Variants in CTDNEP1 observed in about 807,000 individuals in gnomAD.
CTDNEP1 encodes the protein C-terminal domain nuclear envelope phosphatase 1.
In CTDNEP1, 3 loss-of-function variants were observed where a neutral mutation model predicts 30.1. The ratio of observed to expected loss-of-function variants is 0.10; its 90% CI spans 0.05 to 0.26. The LOEUF is 0.26. Among genes scored for constraint, CTDNEP1 ranks in the 10% least tolerant of loss-of-function variants. CTDNEP1 has a pLI of 1.00. For missense variants in CTDNEP1, 158 were observed against 310.4 expected, an observed-to-expected ratio of 0.51 and a Z score of 3.69; for synonymous variants, 123 against 118.8, an observed-to-expected ratio of 1.04 and a Z score of -0.23.
At position 7,246,373 on chromosome 17, in the gene CTDNEP1, G is replaced by A. The variant is rs1302945677; in HGVS notation, c.361-3C>T. ...ACCAGCTCGTACCACTGGCTCACCT[G>A]AAATAGATTGGGGGAGAGGGCGATG... On this transcript the variant is annotated splice_region_variant and splice_polypyrimidine_tract_variant and intron_variant, in intron 4 of 7. Transcript: ENST00000574322. The surrounding 1 kb of genome is among the most constrained non-coding windows in gnomAD (Gnocchi z 4.9). 3 of 1,603,282 alleles carry A rather than the reference G, an allele frequency of 1.9e-6. No individual in the cohort carries two copies. The highest frequency in any genetic ancestry group is 2.6e-6 in the Non-Finnish European group (3 of 1,170,972).
At position 7,250,266 on chromosome 17, in the gene CTDNEP1, G is replaced by C. The variant is rs192906448; in HGVS notation, c.102+929C>G. ...GTACAGACCCAGAACCTGTGTCTCC[G>C]CTTACTAAATTCTCCCCAGACTCCT... On this transcript the variant is annotated intron_variant, in intron 1 of 7. Coordinates refer to ENST00000574322, the MANE Select transcript of CTDNEP1 (RefSeq NM_001143775.2). Among the ~76,000 whole-genome samples, 79 of 152,256 alleles carry C rather than the reference G, an allele frequency of 5.2e-4. 1 individual carries two copies. The highest frequency in any genetic ancestry group is 1.8e-3 in the African/African-American group (76 of 41,548).
intron 1 of CTDNEP1, among the ~76,000 whole-genome samples, chr17:7,248,154 G>C (rs147462883): frequency 3.3e-5 from 5 of 149,572 alleles, no homozygotes; most frequent in African/African-American, 7.4e-5. Flanking sequence ...CCAGCTACTC[G>C]GGAGGCTGAG....
At position 7,247,200 on chromosome 17, in the gene CTDNEP1, G is replaced by A; in HGVS notation, c.170-18C>T. The A allele has an allele frequency of 6.8e-6, 11 of 1,610,870 alleles. No homozygotes were observed. Among genetic ancestry groups the A allele is most frequent in the East Asian group, 2.2e-5 (1 of 44,860 alleles). On this transcript the variant is annotated intron_variant, in intron 2 of 7. Coordinates refer to ENST00000574322, the MANE Select transcript of CTDNEP1 (RefSeq NM_001143775.2). ...CACCTGGGCTGAACCAGAGTGGGGAGGAATAATATTGACCGACCTCTGACC... is the reference window on the plus strand; with the variant it reads ...CACCTGGGCTGAACCAGAGTGGGGAAGAATAATATTGACCGACCTCTGACC...
At chr17:7,245,632 G>A (rs1180299768) in intron 6 of CTDNEP1, among the ~76,000 whole-genome samples, 3 of 151,630 alleles carry the variant, frequency 2.0e-5, no homozygotes, top group Non-Finnish European at 2.9e-5. Flanking sequence ...CCGAGTTGCT[G>A]GGATTACAGG....
chr17:7,246,652 C>T lies in CTDNEP1; in HGVS notation c.360+139G>A. 1.4e-6 allele frequency: 1 copy of T among 725,486 alleles called. No homozygotes were observed. The highest frequency in any genetic ancestry group is 1.7e-5 in the South Asian group (1 of 58,708). The allele number at this position is 725,486 out of a possible 1,614,324, so 44.9% of individuals were successfully genotyped here. A position where few individuals can be genotyped will look rare whatever the true frequency, so the allele number is the denominator to read the frequency against. On this transcript the variant is annotated intron_variant, in intron 4 of 7. Coordinates refer to ENST00000574322, the MANE Select transcript of CTDNEP1 (RefSeq NM_001143775.2). The surrounding 1 kb of genome is among the most constrained non-coding windows in gnomAD (Gnocchi z 4.9). ...GAACCCCAAGTACTGAAAGCCACTC[C>T]CCTACCATTACACAGCCTCCCCTCT...
chr17:7,251,967 T>C (rs577960437), upstream of CTDNEP1: 33 of 171,868 alleles, frequency 1.9e-4, no homozygotes, highest in East Asian at 7.4e-4. Context: ...CATTTTACCG[T>C]CCAAAGGACT....
intron 6 of CTDNEP1, 44 bp downstream of exon 6, chr17:7,245,982 G>A: frequency 7.3e-7 from 1 of 1,365,858 alleles, no homozygotes. Flanking sequence ...TACCTTCTCA[G>A]AACCATGTTC....
intron 7 of CTDNEP1, 31 bp from the exon 8 acceptor site, chr17:7,244,276 T>G: frequency 6.2e-7 from 1 of 1,609,522 alleles, no homozygotes; most frequent in Non-Finnish European, 8.5e-7. Flanking sequence ...ATTGGTAGAG[T>G]ACCTTATAGT....
chr17:7,247,368 G>T (rs1290650570), intron 1 of CTDNEP1, 25 bp from the exon 2 acceptor site: 1 of 1,597,580 alleles, frequency 6.3e-7, no homozygotes, highest in Non-Finnish European at 8.6e-7. Context: ...AAAGAGGATT[G>T]AAACCCTTGA....
intron 1 of CTDNEP1, 38 bp from the exon 2 acceptor site, chr17:7,247,381 A>G: frequency 1.3e-6 from 2 of 1,551,698 alleles, no homozygotes; most frequent in Non-Finnish European, 1.8e-6. Context: ...ACCCTTGATA[A>G]GGAAGCCTTC....
intron 1 of CTDNEP1, among the ~76,000 whole-genome samples, chr17:7,248,421 G>A (rs143816065): frequency 0.067 from 9,677 of 143,864 alleles, 1,140 homozygotes; most frequent in African/African-American, 0.24. Flanking sequence ...GTGCAGTGGC[G>A]CGATCTCAGC....
At chr17:7,248,063 C>T (rs1388976432) in intron 1 of CTDNEP1, among the ~76,000 whole-genome samples, 1 of 151,066 alleles carries the variant, frequency 6.6e-6, no homozygotes, top group Non-Finnish European at 1.5e-5. Flanking sequence ...GAGACGGAGA[C>T]CATCCTGGCC....
Position 7,246,996 on chromosome 17 carries a change from G to T in CTDNEP1, c.288+68C>A. On this transcript the variant is annotated intron_variant, in intron 3 of 7. Transcript: ENST00000574322. This position sits in a 1 kb window ranked among gnomAD's most constrained non-coding sequence, Gnocchi z 4.9. ...GATGGAGACAGATGCTCTGGGACTG[G>T]GAAAGGGAGTCCAGGTTTGGGCAGA... The T allele has an allele frequency of 7.0e-7, 1 of 1,428,350 alleles. No homozygotes were observed. Among genetic ancestry groups the T allele is most frequent in the Non-Finnish European group, 9.8e-7 (1 of 1,015,640 alleles). The allele number at this position is 1,428,350 out of a possible 1,614,324, so 88.5% of individuals were successfully genotyped here. A position where few individuals can be genotyped will look rare whatever the true frequency, so the allele number is the denominator to read the frequency against.
At chr17:7,249,872 C>T (rs1262151712) in intron 1 of CTDNEP1, among the ~76,000 whole-genome samples, 3 of 152,134 alleles carry the variant, frequency 2.0e-5, no homozygotes, top group Non-Finnish European at 2.9e-5. Context: ...GATGGCACCA[C>T]TGCACTCCAG....
intron 1 of CTDNEP1, among the ~76,000 whole-genome samples, chr17:7,249,581 T>C (rs539216423): frequency 2.0e-5 from 3 of 152,250 alleles, no homozygotes; most frequent in African/African-American, 4.8e-5. Flanking sequence ...AACTGATGTG[T>C]TGGAGCGAGA....
intron 1 of CTDNEP1, among the ~76,000 whole-genome samples, chr17:7,249,433 G>T (rs113242395): frequency 6.6e-6 from 1 of 152,184 alleles, no homozygotes; most frequent in East Asian, 1.9e-4. Flanking sequence ...CCAAGCATCT[G>T]CCAGAAGCGG....
chr17:7,244,320 C>T, intron 7 of CTDNEP1, 75 bp from the exon 8 acceptor site: 1 of 1,505,394 alleles, frequency 6.6e-7, no homozygotes, highest in South Asian at 1.1e-5. Context: ...AAGGCAGCAT[C>T]ACTGGAGATG....
At chr17:7,244,671 A>C in intron 6 of CTDNEP1, 36 bp from the exon 7 acceptor site, 1 of 1,446,204 alleles carries the variant, frequency 6.9e-7, no homozygotes, top group Non-Finnish European at 9.4e-7. Flanking sequence ...GAAGAAACAG[A>C]ATTCAAGAGA....
chr17:7,246,199 C>T lies in CTDNEP1; in HGVS notation c.477+55G>A, dbSNP rs917339268. ...AGGATACTCTCCTCAAACCCAGATC[C>T]CTCCCTGGTGGCCTCCCTCCCAAGC... On this transcript the variant is annotated intron_variant, in intron 5 of 7. Transcript: ENST00000574322. The surrounding 1 kb of genome is among the most constrained non-coding windows in gnomAD (Gnocchi z 4.9). 4 of 1,579,358 alleles carry T rather than the reference C, an allele frequency of 2.5e-6. No homozygotes were observed. Among genetic ancestry groups the T allele is most frequent in the Non-Finnish European group, 8.7e-7 (1 of 1,148,454 alleles).
Sources: gnomAD v4.1 joint callset for allele counts (sites outside exome capture counted in the v4.1 genomes callset) on GRCh38, gnomAD v4.1.1 for gene constraint, Gnocchi (gnomAD v3.1) non-coding constraint, MANE v1.5 for transcripts, NCBI Gene and HGNC (gene_info 2026-07-23, HGNC 2026-07-21) for gene names.